Variants in ACER2 observed in about 807,000 individuals in gnomAD.
The protein encoded by ACER2 is alkaline ceramidase 2, also known as alkCDase 2.
ACER2 carries 26 observed loss-of-function variants against 34.7 expected under a neutral mutation model. The observed-to-expected ratio is 0.75, with a 90% CI of 0.55 to 1.04. The LOEUF (loss-of-function observed/expected upper bound fraction) is 1.04. Ranked by LOEUF, ACER2 falls within the 50% of genes least tolerant of loss-of-function variation. ACER2 has a pLI of 0.00. For missense variants in ACER2, 352 were observed against 340.8 expected (o/e 1.03, Z -0.26); for synonymous variants, 138 against 132.1 (o/e 1.04, Z -0.31).
At chr9:19,440,906 C>A (rs527573249) in intron 4 of ACER2, among the ~76,000 whole-genome samples, 3 of 152,304 alleles carry the variant, frequency 2.0e-5, no homozygotes, top group South Asian at 4.1e-4. Flanking sequence ...TCCTGATCTG[C>A]CTTTTCTAGC....
chr9:19,448,942 C>G (rs1222018870), intron 5 of ACER2, among the ~76,000 whole-genome samples: 5 of 152,144 alleles, frequency 3.3e-5, no homozygotes, highest in Admixed American at 6.5e-5. Context: ...AGATCGAGAC[C>G]ATCCTGGCTA....
chr9:19,411,464 G>A (rs1563869705), intron 1 of ACER2, among the ~76,000 whole-genome samples: 1 of 152,052 alleles, frequency 6.6e-6, no homozygotes, highest in African/African-American at 2.4e-5. Context: ...GGCTCACTGC[G>A]ACCTCCACCT....
chr9:19,440,098 C>T (rs78774779), intron 4 of ACER2, among the ~76,000 whole-genome samples: 337 of 152,264 alleles, frequency 2.2e-3, no homozygotes, highest in Non-Finnish European at 3.4e-3. Context: ...ACCCAGTGAT[C>T]AGTTTTCAGA....
intron 1 of ACER2, among the ~76,000 whole-genome samples, chr9:19,418,869 G>A (rs1388028472): frequency 5.9e-5 from 9 of 152,018 alleles, no homozygotes; most frequent in Non-Finnish European, 1.3e-4. Flanking sequence ...GAAAGTTAAG[G>A]GCTTTGATCA....
intron 3 of ACER2, among the ~76,000 whole-genome samples, chr9:19,431,247 T>C (rs1367954682): frequency 1.3e-5 from 2 of 152,186 alleles, no homozygotes; most frequent in African/African-American, 4.8e-5. Context: ...AAAAACACTG[T>C]GAGGCAGAGT....
intron 3 of ACER2, among the ~76,000 whole-genome samples, chr9:19,433,149 C>CTTTGTT (rs1830812631): frequency 1.6e-5 from 1 of 61,308 alleles, no homozygotes; most frequent in African/African-American, 6.0e-5. Flanking sequence ...GTGTGAGTGG[C>CTTTGTT]TTTTTTTTTT....
chr9:19,421,574 G>A (rs1365555405), intron 1 of ACER2, among the ~76,000 whole-genome samples: 5 of 152,110 alleles, frequency 3.3e-5, no homozygotes, highest in Non-Finnish European at 5.9e-5. Context: ...AGGCAGATTG[G>A]TGAATGCCAG....
At chr9:19,443,401 C>T (rs991974424) in intron 4 of ACER2, among the ~76,000 whole-genome samples, 1 of 152,184 alleles carries the variant, frequency 6.6e-6, no homozygotes, top group Admixed American at 6.5e-5. Flanking sequence ...CTCCTGACCT[C>T]GTGATCCCCC....
intron 1 of ACER2, among the ~76,000 whole-genome samples, chr9:19,411,410 A>G (rs1446670727): frequency 1.3e-5 from 2 of 152,052 alleles, no homozygotes; most frequent in Non-Finnish European, 2.9e-5. Context: ...TTTTTTTGAG[A>G]TGATCATGCT....
intron 3 of ACER2, among the ~76,000 whole-genome samples, chr9:19,434,536 C>G (rs553655061): frequency 6.6e-6 from 1 of 152,216 alleles, no homozygotes; most frequent in Non-Finnish European, 1.5e-5. Flanking sequence ...CTCAGGAGGC[C>G]GAGGCTGGCG....
intron 4 of ACER2, among the ~76,000 whole-genome samples, chr9:19,439,344 C>CTTTTTTTTTTTTTTTTTTTT (rs55690063): frequency 7.2e-6 from 1 of 138,758 alleles, no homozygotes; most frequent in African/African-American, 2.7e-5. Context: ...AAGGGGCTTG[C>CTTTTTTTTTTTTTTTTTTTT]TTTTTTTTTT....
In ACER2 at chr9:19,451,155, T is replaced by A. The variant is rs1358691043; in HGVS notation, c.*519T>A. 1 of 152,872 alleles carries A rather than the reference T, an allele frequency of 6.5e-6. No homozygotes were observed. Among genetic ancestry groups the A allele is most frequent in the African/African-American group, 2.4e-5 (1 of 41,448 alleles). 9.5% of individuals were successfully genotyped at this position (152,872 alleles called of 1,614,324 possible). On this transcript the variant is annotated 3_prime_UTR_variant, in exon 6 of 6. Transcript: ENST00000340967. ...TTAATGGCCATGGCAGAGCAGTCCC[T>A]TGGGGGATCCAGCCCTGTACAATGC... is the stretch of plus-strand genomic sequence containing the variant.
rs1227866020 is a variant in ACER2 at position 19,427,665 on chromosome 9, C to CTCTTT, written c.365+2830_365+2834dup. Among the ~76,000 whole-genome samples the CTCTTT allele has an allele frequency of 2.9e-5, 3 of 104,418 alleles. No homozygotes were observed. The South Asian group carries it at 1.2e-3, about 42-fold the overall frequency. 68.5% of individuals were successfully genotyped at this position (104,418 alleles called of 152,430 possible). ...CTTTTCTCTTCTCTTCTCTTCTCTT[C>CTCTTT]TCTTTTCTTTCTTTTCTCTGAGACG... On this transcript the variant is annotated intron_variant, in intron 3 of 5. Coordinates refer to ENST00000340967, the MANE Select transcript of ACER2 (RefSeq NM_001010887.3).
chr9:19,423,917 A>C lies in ACER2; in HGVS notation c.164A>C (p.Gln55Pro). 1 of 1,614,142 alleles carries C rather than the reference A, an allele frequency of 6.2e-7. No individual in the cohort carries two copies. Among genetic ancestry groups the C allele is most frequent in the Non-Finnish European group, 8.5e-7 (1 of 1,180,018 alleles). Reference protein sequence around the residue: ...LPPICMCLFRQYATCFNSGIY... With the variant: ...LPPICMCLFRPYATCFNSGIY... ...CCCATCTGCATGTGCTTGTTTCGTCAGTATGCAACATGCTTCAACAGTGGC... is the reference window on the plus strand; with the variant it reads ...CCCATCTGCATGTGCTTGTTTCGTCCGTATGCAACATGCTTCAACAGTGGC... The change falls in exon 2 of 6, where the codon CAG becomes CCG. Residue 55 changes from glutamine to proline, a missense_variant. Gln to Pro is a moderately conservative substitution (Grantham distance 76). Transcript: ENST00000340967.
chr9:19,447,799 C>T (rs1201898188), intron 5 of ACER2, among the ~76,000 whole-genome samples: 1 of 152,024 alleles, frequency 6.6e-6, no homozygotes, highest in South Asian at 2.1e-4. Flanking sequence ...TATTTTCTTT[C>T]CAGTTATAAA....
intron 1 of ACER2, among the ~76,000 whole-genome samples, chr9:19,416,575 G>C (rs915922051): frequency 3.9e-5 from 6 of 151,960 alleles, no homozygotes; most frequent in Admixed American, 1.3e-4. Flanking sequence ...GCCCAGGCTG[G>C]AGTGCAATGG....
At position 19,409,208 on chromosome 9, in the gene ACER2, G is replaced by C. The variant is rs11792865; in HGVS notation, c.108+16G>C. On this transcript the variant is annotated intron_variant, in intron 1 of 5. Transcript: ENST00000340967. The stretch of plus-strand genomic sequence containing the variant: ...CTACAACACGGTGCGGGGCGCGGGA[G>C]CGGGGAAGGCAGGCGGGCCAGCGGG... 241,716 of 1,566,084 alleles carry C rather than the reference G, an allele frequency of 0.15. 20,110 individuals are homozygous for C. Among genetic ancestry groups the C allele is most frequent in the South Asian group, 0.26 (22,079 of 85,208 alleles).
chr9:19,437,654 T>G (rs1396869473), intron 4 of ACER2, among the ~76,000 whole-genome samples: 4 of 152,294 alleles, frequency 2.6e-5, no homozygotes, highest in African/African-American at 9.6e-5. Flanking sequence ...CCAACCAATT[T>G]GGACCACCTC....
At chr9:19,437,780 C>T (rs1831022923) in intron 4 of ACER2, among the ~76,000 whole-genome samples, 1 of 152,214 alleles carries the variant, frequency 6.6e-6, no homozygotes, top group African/African-American at 2.4e-5. Context: ...TAGACACCTG[C>T]TCCTTCACGA....
Sources: allele counts gnomAD v4.1 joint callset (sites outside exome capture counted in the v4.1 genomes callset), GRCh38; gene constraint gnomAD v4.1.1; transcripts MANE v1.5; gene names NCBI Gene and HGNC (gene_info 2026-07-23, HGNC 2026-07-21).